Variants in CNTN5 observed in about 807,000 individuals in gnomAD.
CNTN5 encodes contactin-5.
In CNTN5, 77 loss-of-function variants were observed where a neutral mutation model predicts 129.1. The ratio of observed to expected loss-of-function variants is 0.60; its 90% CI spans 0.50 to 0.72. The LOEUF (loss-of-function observed/expected upper bound fraction) is 0.72, where lower values mean the gene tolerates loss of function less well. CNTN5 is among the 30% of genes least tolerant of loss of function. The pLI, the probability that CNTN5 is intolerant of heterozygous loss-of-function variation, is 0.00. For missense variants in CNTN5, 1,478 were observed against 1,328.8 expected, an observed-to-expected ratio of 1.11 and a Z score of -1.75; for synonymous variants, 509 against 465.6, an observed-to-expected ratio of 1.09 and a Z score of -1.20.
chr11:100,093,149 G>C (rs1184116435), intron 13 of CNTN5, among the ~76,000 whole-genome samples: 1 of 152,120 alleles, frequency 6.6e-6, no homozygotes, highest in Non-Finnish European at 1.5e-5. Context: ...AAGACAACAA[G>C]AGTGGCTATT....
intron 13 of CNTN5, among the ~76,000 whole-genome samples, chr11:100,165,989 T>C (rs776493596): frequency 2.6e-5 from 4 of 151,736 alleles, no homozygotes; most frequent in Non-Finnish European, 5.9e-5. Flanking sequence ...ATCACTATGA[T>C]ACTCTGTCTC....
At chr11:99,201,083 G>A (rs1859158357) in intron 1 of CNTN5, among the ~76,000 whole-genome samples, 2 of 130,990 alleles carry the variant, frequency 1.5e-5, no homozygotes. Context: ...GGAGTGCAGT[G>A]GTAGAATCTC....
At chr11:99,288,425 T>C (rs1003043720) in intron 1 of CNTN5, among the ~76,000 whole-genome samples, 1 of 151,924 alleles carries the variant, frequency 6.6e-6, no homozygotes, top group African/African-American at 2.4e-5. Context: ...AATGTAGTAA[T>C]TTAATCTCTT....
At chr11:99,814,529 G>A (rs1286219163) in intron 3 of CNTN5, among the ~76,000 whole-genome samples, 1 of 152,164 alleles carries the variant, frequency 6.6e-6, no homozygotes, top group Admixed American at 6.5e-5. Flanking sequence ...TGGCTACAGA[G>A]TGTGTCGACA....
At chr11:100,346,671 C>A (rs1196246437) in intron 23 of CNTN5, among the ~76,000 whole-genome samples, 1 of 152,080 alleles carries the variant, frequency 6.6e-6, no homozygotes, top group Non-Finnish European at 1.5e-5. Context: ...CACCAAATAT[C>A]TCCCCTCACC....
intron 2 of CNTN5, among the ~76,000 whole-genome samples, chr11:99,366,876 C>T (rs1452022996): frequency 1.3e-5 from 2 of 152,116 alleles, no homozygotes; most frequent in Admixed American, 6.6e-5. Context: ...GAAATTGTTT[C>T]TGAATGTTGC....
In CNTN5 at chr11:99,288,220, G is replaced by GT. The variant is rs969425394; in HGVS notation, c.-209-37116dup. Among the ~76,000 whole-genome samples, 53 of 147,826 alleles carry GT rather than the reference G, an allele frequency of 3.6e-4. 1 individual carries two copies. Among genetic ancestry groups the GT allele is most frequent in the East Asian group, 2.8e-3 (14 of 5,068 alleles). On this transcript the variant is annotated intron_variant, in intron 1 of 24. Coordinates refer to ENST00000524871, the MANE Select transcript of CNTN5 (RefSeq NM_014361.4). ...AAATTGTTTGCTATATATAAGCAGG[G>GT]TTTTTTTTTTACAAGATTATATTAT...
intron 6 of CNTN5, among the ~76,000 whole-genome samples, chr11:99,915,501 A>G (rs1287019328): frequency 1.3e-5 from 2 of 152,178 alleles, no homozygotes; most frequent in African/African-American, 4.8e-5. Context: ...CTAGGCTTTC[A>G]TAAAATGAAA....
chr11:100,078,588 G>A (rs1454369149), intron 13 of CNTN5, among the ~76,000 whole-genome samples: 1 of 152,126 alleles, frequency 6.6e-6, no homozygotes, highest in African/African-American at 2.4e-5. Context: ...ATAAACCAGT[G>A]TATGAAAAGA....
At chr11:99,206,949 T>C (rs1649289313) in intron 1 of CNTN5, among the ~76,000 whole-genome samples, 1 of 152,100 alleles carries the variant, frequency 6.6e-6, no homozygotes, top group African/African-American at 2.4e-5. Flanking sequence ...AATATCAAAT[T>C]ACTGCCATCT....
chr11:99,421,187 C>CT (rs60144928), intron 2 of CNTN5, among the ~76,000 whole-genome samples: 22,141 of 150,420 alleles, frequency 0.15, 4,053 homozygotes, highest in African/African-American at 0.44. Context: ...CTACTGTGTG[C>CT]TAGACACTGC....
At chr11:99,050,092 C>T (rs554533018) in intron 1 of CNTN5, among the ~76,000 whole-genome samples, 3 of 151,986 alleles carry the variant, frequency 2.0e-5, no homozygotes, top group East Asian at 3.9e-4. Context: ...ATTGGAAATC[C>T]GGAACCCATT....
At chr11:99,715,657 T>C (rs1327589935) in intron 3 of CNTN5, among the ~76,000 whole-genome samples, 4 of 152,036 alleles carry the variant, frequency 2.6e-5, no homozygotes. Flanking sequence ...TTTTTATTTA[T>C]CATTTATAAC....
chr11:100,339,529 G>T (rs375782206), intron 21 of CNTN5, among the ~76,000 whole-genome samples: 3 of 152,108 alleles, frequency 2.0e-5, no homozygotes, highest in East Asian at 1.9e-4. Context: ...GATTCAATTG[G>T]TAAAAAGGCA....
intron 9 of CNTN5, among the ~76,000 whole-genome samples, chr11:100,051,228 A>T (rs1382497947): frequency 2.6e-5 from 4 of 152,076 alleles, no homozygotes; most frequent in Non-Finnish European, 4.4e-5. Context: ...ATATTCACCA[A>T]GATAAATTAT....
intron 3 of CNTN5, among the ~76,000 whole-genome samples, chr11:99,675,481 G>T (rs750915732): frequency 6.6e-6 from 1 of 152,084 alleles, no homozygotes; most frequent in African/African-American, 2.4e-5. Flanking sequence ...TCGGCAGTTC[G>T]AGACCAGCCT....
chr11:100,002,575 T>C (rs762289123), intron 9 of CNTN5, among the ~76,000 whole-genome samples: 1 of 152,126 alleles, frequency 6.6e-6, no homozygotes, highest in African/African-American at 2.4e-5. Flanking sequence ...AGTGATCCTG[T>C]GTATTACCTT....
intron 1 of CNTN5, among the ~76,000 whole-genome samples, chr11:99,303,795 A>T (rs569569265): frequency 1.3e-5 from 2 of 152,056 alleles, no homozygotes; most frequent in African/African-American, 4.8e-5. Context: ...AAGTTCTAAA[A>T]AGTTAACAGG....
At chr11:99,042,683 TCTTTAAA>T (rs1189460379) in intron 1 of CNTN5, among the ~76,000 whole-genome samples, 25 of 152,220 alleles carry the variant, frequency 1.6e-4, no homozygotes, top group African/African-American at 5.1e-4. Flanking sequence ...CCACCTCCCT[TCTTTAAA>T]CTCTAAGAAT....
Sources: gnomAD v4.1 joint callset for allele counts (sites outside exome capture counted in the v4.1 genomes callset) on GRCh38, gnomAD v4.1.1 for gene constraint, MANE v1.5 for transcripts, NCBI Gene and HGNC (gene_info 2026-07-23, HGNC 2026-07-21) for gene names.